SGK3: variants seen among roughly 807,000 people sequenced by gnomAD.
SGK3 encodes serine/threonine-protein kinase Sgk3.
Under a neutral mutation model 68.5 loss-of-function variants are expected in SGK3, and 47 were observed. The ratio of observed to expected loss-of-function variants is 0.69; its 90% confidence interval spans 0.54 to 0.87. The LOEUF is 0.87. Among genes scored for constraint, SGK3 ranks in the 40% least tolerant of loss-of-function variants. The probability of loss-of-function intolerance (pLI) is 0.00; values close to 1 mark genes in which losing one functional copy is unlikely to be tolerated. For missense variants in SGK3, 479 were observed against 575.5 expected (o/e 0.83, Z 1.72); for synonymous variants, 181 against 189.1 (o/e 0.96, Z 0.35).
At chr8:66,762,511 G>A (rs1035185070) in intron 1 of SGK3, among the ~76,000 whole-genome samples, 60 of 151,814 alleles carry the variant, frequency 4.0e-4, no homozygotes, top group Non-Finnish European at 1.0e-4. Context: ...GTGAGACCGC[G>A]TCTCAAAAAA....
At position 66,757,284 on chromosome 8, in the gene SGK3, A is replaced by T. The variant is rs574551802; in HGVS notation, c.-121-36332A>T. Among the ~76,000 whole-genome samples the T allele has an allele frequency of 2.0e-5, 3 of 152,064 alleles. No individual in the cohort carries two copies. In the East Asian group the frequency reaches 5.8e-4, roughly 30 times the overall value. ...GTAGCTGGGACTACAGGCATGTACC[A>T]CCACACCTAGCTAATTTTTGTATTT... On this transcript the variant is annotated intron_variant, in intron 1 of 16. Coordinates refer to ENST00000521198, the MANE Select transcript of SGK3 (RefSeq NM_001033578.3).
intron 16 of SGK3, 109 bp from the exon 17 acceptor site, chr8:66,859,302 C>T (rs2130767664): frequency 7.7e-7 from 1 of 1,292,888 alleles, no homozygotes; most frequent in East Asian, 2.8e-5. Context: ...CACTGGCATG[C>T]CAGCCCAGGT....
intron 5 of SGK3, among the ~76,000 whole-genome samples, chr8:66,818,548 C>T (rs1263750244): frequency 1.3e-5 from 2 of 152,206 alleles, no homozygotes; most frequent in Non-Finnish European, 2.9e-5. Context: ...CCCCTGAGAT[C>T]TCTTACACAT....
chr8:66,720,779 A>T (rs936922933), intron 1 of SGK3, among the ~76,000 whole-genome samples: 1 of 146,158 alleles, frequency 6.8e-6, no homozygotes, highest in Non-Finnish European at 1.5e-5. Context: ...TCAAAAAAAA[A>T]ATTATATATA....
chr8:66,728,557 C>A (rs1805045499), intron 1 of SGK3, among the ~76,000 whole-genome samples: 1 of 152,036 alleles, frequency 6.6e-6, no homozygotes, highest in African/African-American at 2.4e-5. Context: ...GAACTCCTGA[C>A]CTCAGATGAT....
chr8:66,841,123 T>C lies in SGK3; in HGVS notation c.978+13T>C. On this transcript the variant is annotated intron_variant, in intron 13 of 16. Transcript: ENST00000521198. ...TGGGACACCAGAGGTAAGAAATATATCTCATTGTCATTTATATAATCATGT... is the reference window on the plus strand; with the variant it reads ...TGGGACACCAGAGGTAAGAAATATACCTCATTGTCATTTATATAATCATGT... 6.4e-7 allele frequency: 1 copy of C among 1,556,456 alleles called. No homozygotes were observed. Among genetic ancestry groups the C allele is most frequent in the Non-Finnish European group, 8.7e-7 (1 of 1,151,936 alleles).
intron 1 of SGK3, among the ~76,000 whole-genome samples, chr8:66,793,055 G>A (rs1201739979): frequency 2.0e-5 from 3 of 152,180 alleles, no homozygotes; most frequent in Admixed American, 6.6e-5. Context: ...TTTGTAGGAA[G>A]ATCTACTGTA....
chr8:66,859,814 A>G lies in SGK3; in HGVS notation c.*233A>G. 1 of 426,478 alleles carries G rather than the reference A, an allele frequency of 2.3e-6. No homozygotes were observed. Among genetic ancestry groups the G allele is most frequent in the Non-Finnish European group, 3.9e-6 (1 of 258,746 alleles). 26.4% of individuals were successfully genotyped at this position (426,478 alleles called of 1,614,324 possible). A position where few individuals can be genotyped will look rare whatever the true frequency, so the allele number is the denominator to read the frequency against. ...TAATAAGCTTATTTTTAAACAATTT[A>G]AAAGCTATTATTCTTAGCATTAACC... On this transcript the variant is annotated 3_prime_UTR_variant, in exon 17 of 17. Transcript: ENST00000521198.
chr8:66,815,096 T>A (rs1808526535), intron 5 of SGK3, among the ~76,000 whole-genome samples: 1 of 152,188 alleles, frequency 6.6e-6, no homozygotes. Flanking sequence ...TTTGAGTAAT[T>A]GTTCTAAAAA....
At chr8:66,741,278 G>A (rs1175497750) in intron 1 of SGK3, among the ~76,000 whole-genome samples, 3 of 152,048 alleles carry the variant, frequency 2.0e-5, no homozygotes, top group Non-Finnish European at 4.4e-5. Flanking sequence ...GGCCAGGCAC[G>A]GTGGCTCACG....
At chr8:66,720,795 A>ATATATATATATATATATATATATAT (rs1554590881) in intron 1 of SGK3, among the ~76,000 whole-genome samples, 3 of 150,764 alleles carry the variant, frequency 2.0e-5, no homozygotes, top group Admixed American at 6.6e-5. Context: ...ATATATATAT[A>ATATATATATATATATATATATATAT]ATTAGCCAGG....
At chr8:66,843,842 A>C (rs946930598) in intron 14 of SGK3, among the ~76,000 whole-genome samples, 1 of 152,086 alleles carries the variant, frequency 6.6e-6, no homozygotes, top group African/African-American at 2.4e-5. Flanking sequence ...AAAAATACAA[A>C]AAATTATCTG....
At chr8:66,795,615 G>T (rs1023109706) in intron 2 of SGK3, among the ~76,000 whole-genome samples, 1 of 152,108 alleles carries the variant, frequency 6.6e-6, no homozygotes, top group African/African-American at 2.4e-5. Flanking sequence ...TGATTTTCCA[G>T]GCTGGAGGTT....
Position 66,828,530 on chromosome 8 carries a change from G to C in SGK3, c.418-124G>C, listed in dbSNP as rs957240229. ...TACCCTTACTGAGAATCAGGACTTT[G>C]GGTTTCTTTAACATGGCAACAAACC... is the stretch of plus-strand genomic sequence containing the variant. On this transcript the variant is annotated intron_variant, in intron 6 of 16. Coordinates refer to ENST00000521198, the MANE Select transcript of SGK3 (RefSeq NM_001033578.3). 3.9e-6 allele frequency: 5 copies of C among 1,288,514 alleles called. No homozygotes were observed. The African/African-American group carries it at 6.0e-5, about 15-fold the overall frequency. 79.8% of individuals were successfully genotyped at this position (1,288,514 alleles called of 1,614,324 possible). A position where few individuals can be genotyped will look rare whatever the true frequency, so the allele number is the denominator to read the frequency against.
intron 2 of SGK3, among the ~76,000 whole-genome samples, chr8:66,794,502 T>C: frequency 6.6e-6 from 1 of 151,784 alleles, no homozygotes; most frequent in African/African-American, 2.4e-5. Flanking sequence ...CCACTTATTG[T>C]GTCTATTACT....
At position 66,763,203 on chromosome 8, in the gene SGK3, A is replaced by G. The variant is rs188213764; in HGVS notation, c.-121-30413A>G. The stretch of plus-strand genomic sequence containing the variant: ...GCTTGATTCTTATCTTTTATTTACC[A>G]GTTTTCAAAATAATGAGTTAGTTCC... On this transcript the variant is annotated intron_variant, in intron 1 of 16. Coordinates refer to ENST00000521198, the MANE Select transcript of SGK3 (RefSeq NM_001033578.3). Among the ~76,000 whole-genome samples the G allele has an allele frequency of 5.4e-3, 822 of 152,298 alleles. 11 individuals are homozygous for G. The highest frequency in any genetic ancestry group is 0.018 in the African/African-American group (739 of 41,574).
chr8:66,788,761 G>T (rs1172489870), intron 1 of SGK3, among the ~76,000 whole-genome samples: 1 of 152,170 alleles, frequency 6.6e-6, no homozygotes, highest in Admixed American at 6.5e-5. Flanking sequence ...AATCCTAGAA[G>T]CCATCAGTGT....
rs1174815068 is a variant in SGK3, at chr8:66,859,666, G to T, written c.*85G>T. ...TATTTGTGTGAATATATTCAAATAT[G>T]TATAACTAGTGCCTCATTTTTATAT... is the stretch of plus-strand genomic sequence containing the variant. On this transcript the variant is annotated 3_prime_UTR_variant, in exon 17 of 17. Coordinates refer to ENST00000521198, the MANE Select transcript of SGK3 (RefSeq NM_001033578.3). The T allele has an allele frequency of 1.5e-6, 2 of 1,339,930 alleles. No individual in the cohort carries two copies. Among genetic ancestry groups the T allele is most frequent in the African/African-American group, 2.9e-5 (2 of 68,832 alleles). 83.0% of individuals were successfully genotyped at this position (1,339,930 alleles called of 1,614,324 possible). A position where few individuals can be genotyped will look rare whatever the true frequency, so the allele number is the denominator to read the frequency against.
chr8:66,812,649 A>G (rs1808425014), intron 4 of SGK3, among the ~76,000 whole-genome samples: 1 of 152,196 alleles, frequency 6.6e-6, no homozygotes, highest in African/African-American at 2.4e-5. Flanking sequence ...ATAGTATCTA[A>G]TGATTATTAG....
Sources: gnomAD v4.1 joint callset for allele counts (sites outside exome capture counted in the v4.1 genomes callset) on GRCh38, gnomAD v4.1.1 for gene constraint, MANE v1.5 for transcripts, NCBI Gene and HGNC (gene_info 2026-07-23, HGNC 2026-07-21) for gene names.